The following NRG3 variants were observed in gnomAD, a reference collection of about 807,000 sequenced individuals.
NRG3 encodes pro-neuregulin-3, membrane-bound isoform.
A neutral mutation model predicts 66.9 loss-of-function variants in NRG3; 31 were observed. The observed-to-expected ratio is 0.46, with a 90% CI of 0.35 to 0.63. The LOEUF is 0.63. NRG3 is among the 20% of genes least tolerant of loss of function. The pLI, the probability that NRG3 is intolerant of heterozygous loss-of-function variation, is 0.00. For synonymous variants in NRG3, 393 were observed against 359.4 expected (o/e 1.09, Z -1.06); for missense variants, 910 against 878.9 (o/e 1.04, Z -0.45).
At chr10:82,747,378 A>G (rs929471680) in intron 3 of NRG3, among the ~76,000 whole-genome samples, 5 of 152,056 alleles carry the variant, frequency 3.3e-5, no homozygotes, top group Non-Finnish European at 5.9e-5. Context: ...TGATGTCCAA[A>G]TGATTTCTTG....
intron 1 of NRG3, among the ~76,000 whole-genome samples, chr10:82,348,049 A>G (rs1383183573): frequency 2.0e-5 from 3 of 151,762 alleles, no homozygotes; most frequent in Non-Finnish European, 4.4e-5. Flanking sequence ...TTTTAATTGG[A>G]GCATTTAGTC....
In NRG3 at chr10:82,670,727, A is replaced by AAAAAC. The variant is rs889680957; in HGVS notation, c.954-67830_954-67826dup. ...CATTTTCTTGGCTCTCTTCAAGAAA[A>AAAAAC]AAAACAAAACAAAACAAAACAAAAA... On this transcript the variant is annotated intron_variant, in intron 2 of 8. Transcript: ENST00000372141. 2.6e-5 allele frequency among the ~76,000 whole-genome samples: 4 copies of AAAAAC among 152,286 alleles called. No individual in the cohort carries two copies. In the East Asian group the frequency reaches 5.8e-4, roughly 22 times the overall value.
intron 1 of NRG3, among the ~76,000 whole-genome samples, chr10:81,928,980 C>T (rs1213555668): frequency 6.6e-6 from 1 of 152,034 alleles, no homozygotes; most frequent in Non-Finnish European, 1.5e-5. Flanking sequence ...CACTACCATG[C>T]CTAGCTAATT....
intron 3 of NRG3, among the ~76,000 whole-genome samples, chr10:82,747,076 T>C (rs7072429): frequency 0.055 from 8,295 of 152,032 alleles, 690 homozygotes; most frequent in African/African-American, 0.18. Context: ...TAGTGAGACC[T>C]TTTCTCAATT....
chr10:82,529,890 A>G (rs78038551), intron 2 of NRG3, among the ~76,000 whole-genome samples: 15 of 150,888 alleles, frequency 9.9e-5, no homozygotes, highest in African/African-American at 3.7e-4. Flanking sequence ...ATCCATATAC[A>G]AAAAAAAAGT....
intron 3 of NRG3, among the ~76,000 whole-genome samples, chr10:82,767,243 AC>A (rs2059552446): frequency 1.3e-5 from 2 of 152,028 alleles, no homozygotes; most frequent in South Asian, 4.1e-4. Context: ...ACAAACAGAT[AC>A]CTTCTCAATC....
intron 3 of NRG3, among the ~76,000 whole-genome samples, chr10:82,828,074 G>A (rs376761887): frequency 6.6e-6 from 1 of 152,030 alleles, no homozygotes; most frequent in Non-Finnish European, 1.5e-5. Flanking sequence ...CTTGAAAAAG[G>A]ACGACTGGCT....
intron 1 of NRG3, among the ~76,000 whole-genome samples, chr10:82,253,222 G>A (rs1466095737): frequency 2.6e-5 from 4 of 152,090 alleles, no homozygotes; most frequent in South Asian, 2.1e-4. Flanking sequence ...CTGACCTCAC[G>A]AAACTCCCAA....
chr10:82,859,913 A>G (rs2064025291), intron 3 of NRG3, among the ~76,000 whole-genome samples: 1 of 152,028 alleles, frequency 6.6e-6, no homozygotes, highest in African/African-American at 2.4e-5. Context: ...GTTTTCCAGG[A>G]ATTTTTGGTG....
At chr10:82,329,841 T>C (rs973344663) in intron 1 of NRG3, among the ~76,000 whole-genome samples, 3 of 152,222 alleles carry the variant, frequency 2.0e-5, no homozygotes, top group Non-Finnish European at 2.9e-5. Context: ...GGCCACGCTC[T>C]AGGCAGTTCA....
chr10:82,228,873 C>G (rs953109410), intron 1 of NRG3: 2 of 152,214 alleles, frequency 1.3e-5, no homozygotes, highest in Admixed American at 6.6e-5. Flanking sequence ...AGCCACTGAA[C>G]GTGATGAAGC....
At chr10:82,785,160 C>T (rs1177566728) in intron 3 of NRG3, among the ~76,000 whole-genome samples, 3 of 148,618 alleles carry the variant, frequency 2.0e-5, no homozygotes, top group African/African-American at 7.5e-5. Flanking sequence ...ACAATGAGAG[C>T]ACATGGACAC....
chr10:82,398,803 C>A (rs1268865461), intron 2 of NRG3, among the ~76,000 whole-genome samples: 1 of 152,090 alleles, frequency 6.6e-6, no homozygotes, highest in African/African-American at 2.4e-5. Context: ...GTGATCATTC[C>A]TGGGCTTCAG....
chr10:82,410,437 G>A (rs1393932061), intron 2 of NRG3, among the ~76,000 whole-genome samples: 1 of 139,014 alleles, frequency 7.2e-6, no homozygotes, highest in Non-Finnish European at 1.5e-5. Context: ...CATACTGTAT[G>A]AGTCCATATA....
intron 1 of NRG3, among the ~76,000 whole-genome samples, chr10:82,308,856 G>T (rs889382998): frequency 3.9e-5 from 6 of 152,096 alleles, no homozygotes; most frequent in Admixed American, 1.3e-4. Flanking sequence ...AGGAAGTGCT[G>T]TGGTTTCCTC....
rs141456852 is a variant in NRG3, at chr10:82,184,181, T to C, written c.824-174558T>C. 5.7e-3 allele frequency among the ~76,000 whole-genome samples: 872 copies of C among 152,274 alleles called. 26 individuals carry two copies. The highest frequency in any genetic ancestry group is 0.047 in the Admixed American group (716 of 15,272). ...CTATTTTTATAATAATGCTAAGATATTATTTACACTTTTCACTGTCTTGAC... is the reference window on the plus strand; with the variant it reads ...CTATTTTTATAATAATGCTAAGATACTATTTACACTTTTCACTGTCTTGAC... On this transcript the variant is annotated intron_variant, in intron 1 of 8. Transcript: ENST00000372141.
chr10:82,260,687 A>G (rs1040929918), intron 1 of NRG3, among the ~76,000 whole-genome samples: 1 of 152,188 alleles, frequency 6.6e-6, no homozygotes, highest in Non-Finnish European at 1.5e-5. Flanking sequence ...TCTCCATTTC[A>G]CTGAGTAAAA....
intron 1 of NRG3, among the ~76,000 whole-genome samples, chr10:82,205,894 TC>T (rs1449856124): frequency 4.0e-4 from 61 of 152,322 alleles, no homozygotes; most frequent in African/African-American, 1.3e-3. Flanking sequence ...TCATTTATGT[TC>T]TTTAATCCAA....
At chr10:82,948,593 T>A (rs1330990036) in intron 4 of NRG3, among the ~76,000 whole-genome samples, 1 of 152,132 alleles carries the variant, frequency 6.6e-6, no homozygotes, top group African/African-American at 2.4e-5. Context: ...TTTATTTAGA[T>A]CTTCTTTTAA....
Sources: gnomAD v4.1 joint callset for allele counts (sites outside exome capture counted in the v4.1 genomes callset) on GRCh38, gnomAD v4.1.1 for gene constraint, MANE v1.5 for transcripts, NCBI Gene and HGNC (gene_info 2026-07-23, HGNC 2026-07-21) for gene names.